Variants in WNT6 observed in about 807,000 individuals in gnomAD.
WNT6 encodes the protein protein Wnt-6.
In WNT6, 27 loss-of-function variants were observed where a neutral mutation model predicts 33.1. The observed-to-expected ratio is 0.82, with a 90% CI of 0.60 to 1.12. The LOEUF (loss-of-function observed/expected upper bound fraction) is 1.12. Ranked by LOEUF, WNT6 falls within the 50% of genes most tolerant of loss-of-function variation. The pLI, the probability that WNT6 is intolerant of heterozygous loss-of-function variation, is 0.00. For missense variants in WNT6, 494 were observed against 535.3 expected (o/e 0.92, Z 0.76); for synonymous variants, 249 against 242.8 (o/e 1.03, Z -0.24).
At position 218,860,070 on chromosome 2, in the gene WNT6, G is replaced by A; in HGVS notation, c.33G>A (p.Leu11=). 2 of 1,523,830 alleles carry A rather than the reference G, an allele frequency of 1.3e-6. No homozygotes were observed. The highest frequency in any genetic ancestry group is 1.8e-6 in the Non-Finnish European group (2 of 1,140,948). 94.4% of individuals were successfully genotyped at this position (1,523,830 alleles called of 1,614,324 possible). A position where few individuals can be genotyped will look rare whatever the true frequency, so the allele number is the denominator to read the frequency against. The change falls in exon 1 of 4, where the codon CTG becomes CTA. Residue 11 remains leucine (L), a synonymous_variant. Transcript: ENST00000233948. MLPPLPSRLG[L]LLLLLLCPAH... is the part of the protein sequence containing the mutation. Reference sequence around the variant, plus strand: ...CGCCCTTACCCTCCCGCCTCGGGCTGCTGCTGCTGCTGCTCCTGTGCCCGG... The same window carrying A: ...CGCCCTTACCCTCCCGCCTCGGGCTACTGCTGCTGCTGCTCCTGTGCCCGG...
chr2:218,860,694 G>A (rs1030964864), intron 1 of WNT6, among the ~76,000 whole-genome samples: 3 of 152,184 alleles, frequency 2.0e-5, no homozygotes, highest in Non-Finnish European at 4.4e-5. Context: ...CCGGACCCAG[G>A]CGCCCGGCCC....
intron 1 of WNT6, among the ~76,000 whole-genome samples, chr2:218,861,318 A>G (rs1575222281): frequency 6.6e-6 from 1 of 152,202 alleles, no homozygotes; most frequent in Non-Finnish European, 1.5e-5. Context: ...ATGCCCTTTG[A>G]TCCGGCTTAG....
rs111877320 is a variant in WNT6, at chr2:218,865,263, C to T, written c.80+5146C>T. Among the ~76,000 whole-genome samples the T allele has an allele frequency of 1.3e-3, 200 of 152,288 alleles. 1 individual carries two copies. Among genetic ancestry groups the T allele is most frequent in the African/African-American group, 4.5e-3 (188 of 41,564 alleles). On this transcript the variant is annotated intron_variant, in intron 1 of 3. Transcript: ENST00000233948. ...GTGGTCAGGCTGGCAGGAGGGTGGC[C>T]GCAGGACGCCTGTCCTTTGTGGGTC...
intron 1 of WNT6, among the ~76,000 whole-genome samples, chr2:218,869,087 TG>T (rs987445805): frequency 3.3e-5 from 5 of 151,788 alleles, no homozygotes; most frequent in Non-Finnish European, 5.9e-5. Context: ...TGGGAAAGGG[TG>T]GGGGCCAGTG....
At chr2:218,865,752 G>A (rs534358747) in intron 1 of WNT6, among the ~76,000 whole-genome samples, 29 of 152,158 alleles carry the variant, frequency 1.9e-4, no homozygotes, top group Non-Finnish European at 3.5e-4. Context: ...GAGGGCCCAG[G>A]ACAGTCTCCT....
In WNT6 at chr2:218,873,254, G is replaced by T; in HGVS notation, c.637-130G>T. Reference sequence around the variant, plus strand: ...TTGATTTCCTCCCCCTGAACTTGCGGTCTCCTTTTGTCTGCATTTTCCTCT... The same window carrying T: ...TTGATTTCCTCCCCCTGAACTTGCGTTCTCCTTTTGTCTGCATTTTCCTCT... On this transcript the variant is annotated intron_variant, in intron 3 of 3. Coordinates refer to ENST00000233948, the MANE Select transcript of WNT6 (RefSeq NM_006522.4). The surrounding 1 kb of genome is among the most constrained non-coding windows in gnomAD (Gnocchi z 6.1). 1 of 898,990 alleles carries T rather than the reference G, an allele frequency of 1.1e-6. No individual in the cohort carries two copies. The highest frequency in any genetic ancestry group is 1.6e-6 in the Non-Finnish European group (1 of 609,826). The allele number at this position is 898,990 out of a possible 1,614,324, so 55.7% of individuals were successfully genotyped here.
intron 1 of WNT6, 97 bp downstream of exon 1, chr2:218,860,214 C>G: frequency 8.5e-7 from 1 of 1,182,378 alleles, no homozygotes; most frequent in South Asian, 2.1e-5. Context: ...CCGGCTCTAC[C>G]TGCTCTCCGA....
chr2:218,869,628 C>T (rs1460119238), intron 1 of WNT6, among the ~76,000 whole-genome samples: 8 of 152,200 alleles, frequency 5.3e-5, no homozygotes, highest in Non-Finnish European at 8.8e-5. Context: ...CTCCCAGATG[C>T]TCTACTCATT....
rs1944320130 is a variant in WNT6 at position 218,862,650 on chromosome 2, T to G, written c.80+2533T>G. Reference sequence around the variant, plus strand: ...TGCCCGCCTCGGCCTCCCAAAGTGCTGGGATTACAGGCCCAGCCATTACCA... The same window carrying G: ...TGCCCGCCTCGGCCTCCCAAAGTGCGGGGATTACAGGCCCAGCCATTACCA... On this transcript the variant is annotated intron_variant, in intron 1 of 3. Transcript: ENST00000233948. Among the ~76,000 whole-genome samples the G allele has an allele frequency of 1.1e-4, 16 of 152,136 alleles. No homozygotes were observed. In the South Asian group the frequency reaches 3.3e-3, roughly 32 times the overall value.
chr2:218,869,550 TCC>T (rs1944381887), intron 1 of WNT6, among the ~76,000 whole-genome samples: 1 of 152,128 alleles, frequency 6.6e-6, no homozygotes, highest in Admixed American at 6.5e-5. Context: ...GTTTTCTCTC[TCC>T]TGGGACCCCT....
Position 218,870,875 on chromosome 2 carries a change from G to C in WNT6, c.81-152G>C, listed in dbSNP as rs142779884. 2.1e-4 allele frequency: 143 copies of C among 667,888 alleles called. No homozygotes were observed. In the African/African-American group the frequency reaches 2.3e-3, roughly 11 times the overall value. 41.4% of individuals were successfully genotyped at this position (667,888 alleles called of 1,614,324 possible). On this transcript the variant is annotated intron_variant, in intron 1 of 3. Transcript: ENST00000233948. ...GACACAGACATGGACTAGCAGGAGA[G>C]CCAGACAGGACAATCTCAAGCTCAG... is the stretch of plus-strand genomic sequence containing the variant.
At chr2:218,869,840 C>T (rs995228428) in intron 1 of WNT6, among the ~76,000 whole-genome samples, 2 of 152,212 alleles carry the variant, frequency 1.3e-5, no homozygotes, top group African/African-American at 2.4e-5. Flanking sequence ...AAGTCTTCCC[C>T]TACCAAGCCA....
intron 1 of WNT6, among the ~76,000 whole-genome samples, chr2:218,863,268 CCTT>C (rs1440631396): frequency 2.0e-5 from 3 of 152,182 alleles, no homozygotes; most frequent in Non-Finnish European, 2.9e-5. Context: ...CTTTCCCTGG[CCTT>C]CTTCTCCCTA....
chr2:218,873,247 A>C lies in WNT6; in HGVS notation c.637-137A>C. The C allele has an allele frequency of 1.2e-6, 1 of 815,396 alleles. No homozygotes were observed. The highest frequency in any genetic ancestry group is 1.9e-6 in the Non-Finnish European group (1 of 533,432). The allele number at this position is 815,396 out of a possible 1,614,324, so 50.5% of individuals were successfully genotyped here. A position where few individuals can be genotyped will look rare whatever the true frequency, so the allele number is the denominator to read the frequency against. On this transcript the variant is annotated intron_variant, in intron 3 of 3. Transcript: ENST00000233948. This position sits in a 1 kb window ranked among gnomAD's most constrained non-coding sequence, Gnocchi z 6.1. ...CCTTTCCTTGATTTCCTCCCCCTGAACTTGCGGTCTCCTTTTGTCTGCATT... is the reference window on the plus strand; with the variant it reads ...CCTTTCCTTGATTTCCTCCCCCTGACCTTGCGGTCTCCTTTTGTCTGCATT...
intron 1 of WNT6, 97 bp downstream of exon 1, chr2:218,860,214 C>T (rs1944293821): frequency 5.9e-6 from 7 of 1,182,378 alleles, no homozygotes; most frequent in African/African-American, 1.6e-5. Context: ...CCGGCTCTAC[C>T]TGCTCTCCGA....
chr2:218,872,277 A>G (rs905549285), intron 3 of WNT6, among the ~76,000 whole-genome samples: 9 of 152,124 alleles, frequency 5.9e-5, no homozygotes, highest in Non-Finnish European at 1.2e-4. Context: ...GGTACAGGGA[A>G]GCCAGGGGGA....
chr2:218,864,947 G>A (rs1024251942), intron 1 of WNT6, among the ~76,000 whole-genome samples: 14 of 152,174 alleles, frequency 9.2e-5, no homozygotes, highest in Non-Finnish European at 1.6e-4. Flanking sequence ...CAGGCCTCCC[G>A]CCTTGGCAGC....
Position 218,867,355 on chromosome 2 carries a change from C to T in WNT6, c.81-3672C>T, listed in dbSNP as rs1038624838. Among the ~76,000 whole-genome samples, 26 of 152,176 alleles carry T rather than the reference C, an allele frequency of 1.7e-4. No individual in the cohort carries two copies. The highest frequency in any genetic ancestry group is 8.5e-4 in the Admixed American group (13 of 15,286). On this transcript the variant is annotated intron_variant, in intron 1 of 3. Coordinates refer to ENST00000233948, the MANE Select transcript of WNT6 (RefSeq NM_006522.4). This position sits in a 1 kb window ranked among gnomAD's most constrained non-coding sequence, Gnocchi z 4.9. Reference sequence around the variant, plus strand: ...GATCTCTGACATTGTTCTTGGCCCTCTGACTCAAGAGATGGAAAGGTAGGT... The same window carrying T: ...GATCTCTGACATTGTTCTTGGCCCTTTGACTCAAGAGATGGAAAGGTAGGT...
intron 1 of WNT6, among the ~76,000 whole-genome samples, chr2:218,863,840 A>T (rs1944331273): frequency 6.6e-6 from 1 of 151,924 alleles, no homozygotes; most frequent in Non-Finnish European, 1.5e-5. Context: ...ACAGAGCAAG[A>T]CTCTGTCTCA....
Sources: allele counts gnomAD v4.1 joint callset (sites outside exome capture counted in the v4.1 genomes callset), GRCh38; gene constraint gnomAD v4.1.1; non-coding constraint Gnocchi (gnomAD v3.1); transcripts MANE v1.5; gene names NCBI Gene and HGNC (gene_info 2026-07-23, HGNC 2026-07-21).